AGTPBP1: variants seen among roughly 807,000 people sequenced by gnomAD.
AGTPBP1 encodes ATP/GTP binding carboxypeptidase 1, also known as cytosolic carboxypeptidase 1.
Under a neutral mutation model 143.9 loss-of-function variants are expected in AGTPBP1, and 70 were observed. The observed-to-expected ratio is 0.49, with a 90% CI of 0.40 to 0.59. AGTPBP1 has a LOEUF of 0.59. AGTPBP1 is among the 20% of genes least tolerant of loss of function. The pLI, the probability that AGTPBP1 is intolerant of heterozygous loss-of-function variation, is 0.00. For missense variants in AGTPBP1, 1,229 were observed against 1,464.5 expected, an observed-to-expected ratio of 0.84 and a Z score of 2.62; for synonymous variants, 463 against 500.2, an observed-to-expected ratio of 0.93 and a Z score of 0.99.
At chr9:85,723,987 T>C (rs1564185228) in intron 1 of AGTPBP1, among the ~76,000 whole-genome samples, 2 of 152,102 alleles carry the variant, frequency 1.3e-5, no homozygotes, top group Non-Finnish European at 2.9e-5. Context: ...CCACCAGAAC[T>C]GTTAGAAATA....
At chr9:85,704,872 T>G (rs1462143843) in intron 2 of AGTPBP1, among the ~76,000 whole-genome samples, 1 of 152,122 alleles carries the variant, frequency 6.6e-6, no homozygotes, top group Non-Finnish European at 1.5e-5. Context: ...TAAAAAATAT[T>G]AAAAAGTCCC....
rs377336704 is a variant in AGTPBP1, at chr9:85,669,462, T to C, written c.662+23A>G. ...AGAGTAACAAAGGCTATACCTATGT[T>C]TACATTCAAAACATTTACTCACTTT... is the stretch of plus-strand genomic sequence containing the variant. On this transcript the variant is annotated intron_variant, in intron 8 of 25. Transcript: ENST00000357081. The C allele has an allele frequency of 3.2e-5, 48 of 1,507,086 alleles. No individual in the cohort carries two copies. In the African/African-American group the frequency reaches 6.3e-4, roughly 20 times the overall value. 93.4% of individuals were successfully genotyped at this position (1,507,086 alleles called of 1,614,324 possible).
rs893244681 is a variant in AGTPBP1, at chr9:85,598,788, C to T, written c.2336-2339G>A. ...AGGCTGAAGTGCAATGGTGCGATCT[C>T]GGCTCACTGTGACCTCCACCTCCCA... On this transcript the variant is annotated intron_variant, in intron 17 of 25. Transcript: ENST00000357081. Among the ~76,000 whole-genome samples the T allele has an allele frequency of 4.6e-5, 7 of 152,084 alleles. No individual in the cohort carries two copies. In the South Asian group the frequency reaches 1.0e-3, roughly 22 times the overall value.
chr9:85,695,469 T>C (rs1564154302), intron 2 of AGTPBP1, among the ~76,000 whole-genome samples: 1 of 152,190 alleles, frequency 6.6e-6, no homozygotes, highest in Non-Finnish European at 1.5e-5. Context: ...CCATTGACAC[T>C]GTGTGGACAT....
intron 1 of AGTPBP1, 42 bp downstream of exon 1, chr9:85,741,733 G>A (rs1218889980): frequency 1.6e-6 from 2 of 1,281,764 alleles, no homozygotes; most frequent in Non-Finnish European, 2.0e-6. Context: ...GAGAGCAGAG[G>A]GACGGCCGGC....
chr9:85,673,057 T>C (rs1295073283), intron 6 of AGTPBP1, among the ~76,000 whole-genome samples: 1 of 152,178 alleles, frequency 6.6e-6, no homozygotes, highest in African/African-American at 2.4e-5. Context: ...TTGAATGAAA[T>C]GATGATATTA....
intron 14 of AGTPBP1, among the ~76,000 whole-genome samples, 161 bp from the exon 15 acceptor site, chr9:85,621,446 C>T (rs1440455828): frequency 6.7e-6 from 1 of 150,308 alleles, no homozygotes; most frequent in Non-Finnish European, 1.5e-5. Context: ...ACTAGCAATA[C>T]GTAATAAGAC....
chr9:85,749,225 G>C, the AGTPBP1 span, among the ~76,000 whole-genome samples: 1 of 151,802 alleles, frequency 6.6e-6, no homozygotes, highest in Non-Finnish European at 1.5e-5. Context: ...AAACTCCTGG[G>C]CTTAAGTGAT....
upstream of AGTPBP1, among the ~76,000 whole-genome samples, chr9:85,744,687 G>A (rs1319840810): frequency 6.6e-6 from 1 of 152,174 alleles, no homozygotes; most frequent in African/African-American, 2.4e-5. Context: ...GCAAATTCCT[G>A]GTGGCTCCAC....
intron 25 of AGTPBP1, 146 bp downstream of exon 25, chr9:85,575,169 T>C (rs987284951): frequency 9.6e-6 from 5 of 520,460 alleles, no homozygotes; most frequent in Non-Finnish European, 1.3e-5. Context: ...GCAATATAAA[T>C]TGGAACAAAT....
At chr9:85,565,427 G>A (rs994050607) in intron 25 of AGTPBP1, among the ~76,000 whole-genome samples, 5 of 151,788 alleles carry the variant, frequency 3.3e-5, no homozygotes, top group Non-Finnish European at 7.4e-5. Context: ...TTATGAAAGG[G>A]TGAACTCAAC....
At chr9:85,785,924 A>G in the AGTPBP1 span, 1 of 509,806 alleles carries the variant, frequency 2.0e-6, no homozygotes, top group Non-Finnish European at 3.4e-6. Context: ...CCTGTAAGTG[A>G]AATAAAAATA....
chr9:85,723,069 C>A (rs527287050), intron 1 of AGTPBP1, among the ~76,000 whole-genome samples: 29 of 152,294 alleles, frequency 1.9e-4, no homozygotes, highest in African/African-American at 6.7e-4. Context: ...GGGGCACTCA[C>A]CTGTAGGAGG....
intron 17 of AGTPBP1, among the ~76,000 whole-genome samples, chr9:85,607,788 G>T (rs886504386): frequency 1.3e-5 from 2 of 152,100 alleles, no homozygotes; most frequent in African/African-American, 4.8e-5. Context: ...TGGAGTTGAT[G>T]TTAACACCCT....
intron 19 of AGTPBP1, among the ~76,000 whole-genome samples, chr9:85,590,642 G>A (rs1165438986): frequency 6.6e-6 from 1 of 152,136 alleles, no homozygotes; most frequent in African/African-American, 2.4e-5. Flanking sequence ...AGAGTGCTGT[G>A]AGAGCCTGTA....
At position 85,741,854 on chromosome 9, in the gene AGTPBP1, G is replaced by A. The variant is rs1394581404; in HGVS notation, c.-113C>T. 4 of 1,396,958 alleles carry A rather than the reference G, an allele frequency of 2.9e-6. No homozygotes were observed. The highest frequency in any genetic ancestry group is 3.7e-6 in the Non-Finnish European group (4 of 1,076,922). 86.5% of individuals were successfully genotyped at this position (1,396,958 alleles called of 1,614,324 possible). On this transcript the variant is annotated 5_prime_UTR_variant, in exon 1 of 26. It introduces an in-frame stop codon into an upstream open reading frame of the 5' UTR. Transcript: ENST00000357081. ...GCACCTGGATCACGGCGGATCCCTC[G>A]CCGCCCGCCGCCCGGTGTTTTCATA...
At chr9:85,771,985 C>CTTTT in the AGTPBP1 span, among the ~76,000 whole-genome samples, 6,514 of 132,224 alleles carry the variant, frequency 0.049, 535 homozygotes, top group African/African-American at 0.17. Flanking sequence ...TTATGCTGTT[C>CTTTT]TTTTTTTTTT....
intron 6 of AGTPBP1, among the ~76,000 whole-genome samples, chr9:85,675,146 T>G (rs987358415): frequency 1.3e-5 from 2 of 152,096 alleles, no homozygotes; most frequent in Non-Finnish European, 2.9e-5. Context: ...TCTGCCCACC[T>G]TGGCCTCTCA....
the AGTPBP1 span, among the ~76,000 whole-genome samples, chr9:85,761,658 A>C: frequency 6.6e-6 from 1 of 152,228 alleles, no homozygotes; most frequent in Non-Finnish European, 1.5e-5. Flanking sequence ...TTAGACCTAA[A>C]ACCATAAAAA....
Sources: allele counts gnomAD v4.1 joint callset (sites outside exome capture counted in the v4.1 genomes callset), GRCh38; gene constraint gnomAD v4.1.1; transcripts MANE v1.5; gene names NCBI Gene and HGNC (gene_info 2026-07-23, HGNC 2026-07-21).